The following DEPDC1B variants were observed in gnomAD, a reference collection of about 807,000 sequenced individuals.
The protein encoded by DEPDC1B is DEP domain-containing protein 1B.
Under a neutral mutation model 66.5 loss-of-function variants are expected in DEPDC1B, and 51 were observed. That is an observed-to-expected ratio of 0.77 (90% CI 0.61 to 0.97). The LOEUF is 0.97. Ranked by LOEUF, DEPDC1B falls within the 50% of genes least tolerant of loss-of-function variation. The pLI, the probability that DEPDC1B is intolerant of heterozygous loss-of-function variation, is 0.00. For missense variants in DEPDC1B, 552 were observed against 637.1 expected, an observed-to-expected ratio of 0.87 and a Z score of 1.44; for synonymous variants, 226 against 223.6, an observed-to-expected ratio of 1.01 and a Z score of -0.10.
intron 7 of DEPDC1B, among the ~76,000 whole-genome samples, chr5:60,626,739 G>T (rs1455498161): frequency 6.6e-6 from 1 of 151,980 alleles, no homozygotes; most frequent in Non-Finnish European, 1.5e-5. Flanking sequence ...CTACAATACA[G>T]ATTTCACATC....
At chr5:60,663,255 C>T (rs1292789211) in intron 2 of DEPDC1B, among the ~76,000 whole-genome samples, 2 of 152,168 alleles carry the variant, frequency 1.3e-5, no homozygotes, top group African/African-American at 4.8e-5. Flanking sequence ...CCGTTCCCTA[C>T]CAAAGGCATT....
At chr5:60,635,530 C>T (rs908433213) in intron 7 of DEPDC1B, among the ~76,000 whole-genome samples, 1 of 152,168 alleles carries the variant, frequency 6.6e-6, no homozygotes, top group African/African-American at 2.4e-5. Context: ...ATTCCAGCCT[C>T]CTAACAAATA....
Position 60,598,784 on chromosome 5 carries a change from G to A in DEPDC1B, c.1428+291C>T, listed in dbSNP as rs763977380. Among the ~76,000 whole-genome samples the A allele has an allele frequency of 1.9e-4, 29 of 152,110 alleles. 1 individual carries two copies. The highest frequency in any genetic ancestry group is 7.4e-5 in the Non-Finnish European group (5 of 68,018). ...TAGCTTCTCTGAGATTAAAGCAGATGCTCTGCTAATTCACATCATGCCACA... is the reference window on the plus strand; with the variant it reads ...TAGCTTCTCTGAGATTAAAGCAGATACTCTGCTAATTCACATCATGCCACA... On this transcript the variant is annotated intron_variant, in intron 10 of 10. Coordinates refer to ENST00000265036, the MANE Select transcript of DEPDC1B (RefSeq NM_018369.3).
intron 1 of DEPDC1B, among the ~76,000 whole-genome samples, chr5:60,697,969 A>G (rs1754693574): frequency 6.6e-6 from 1 of 152,200 alleles, no homozygotes; most frequent in African/African-American, 2.4e-5. Flanking sequence ...ATCCATGAAA[A>G]GAAGTACCTC....
At chr5:60,614,593 T>C (rs1752498638) in intron 7 of DEPDC1B, among the ~76,000 whole-genome samples, 1 of 152,252 alleles carries the variant, frequency 6.6e-6, no homozygotes, top group Non-Finnish European at 1.5e-5. Flanking sequence ...AATTTTTTAA[T>C]ATTTAGATGT....
intron 7 of DEPDC1B, among the ~76,000 whole-genome samples, chr5:60,615,533 G>A (rs141690688): frequency 2.2e-4 from 33 of 152,314 alleles, no homozygotes; most frequent in South Asian, 6.2e-4. Flanking sequence ...CTACGCCCAC[G>A]GAGCCTTGCT....
intron 2 of DEPDC1B, among the ~76,000 whole-genome samples, chr5:60,662,515 A>C (rs1753743222): frequency 6.6e-6 from 1 of 152,214 alleles, no homozygotes. Flanking sequence ...AAATAGGATA[A>C]AAAGAAGGCC....
intron 2 of DEPDC1B, among the ~76,000 whole-genome samples, chr5:60,669,459 C>G (rs1753979229): frequency 6.6e-6 from 1 of 152,146 alleles, no homozygotes; most frequent in Non-Finnish European, 1.5e-5. Context: ...ATTATATGGG[C>G]TGATCCTTCT....
intron 1 of DEPDC1B, chr5:60,688,928 GT>G: frequency 2.4e-6 from 1 of 422,882 alleles, no homozygotes; most frequent in East Asian, 7.4e-5. Context: ...TAGGAACCTC[GT>G]TTTGTCAAAT....
chr5:60,604,907 G>A (rs532287878), intron 8 of DEPDC1B, among the ~76,000 whole-genome samples: 1 of 152,216 alleles, frequency 6.6e-6, no homozygotes, highest in South Asian at 2.1e-4. Flanking sequence ...ATCCTACTGG[G>A]CACTAAGTGC....
chr5:60,666,327 G>T (rs886117652), intron 2 of DEPDC1B, among the ~76,000 whole-genome samples: 3 of 152,108 alleles, frequency 2.0e-5, no homozygotes, highest in African/African-American at 2.4e-5. Flanking sequence ...AACACTCACC[G>T]CATGGCCCAA....
chr5:60,647,872 T>G (rs1025651319), intron 2 of DEPDC1B: 1 of 158,066 alleles, frequency 6.3e-6, no homozygotes, highest in Non-Finnish European at 1.4e-5. Context: ...TTTTGACTTT[T>G]TATTTACTTA....
At chr5:60,674,626 C>T (rs1261641582) in intron 2 of DEPDC1B, among the ~76,000 whole-genome samples, 3 of 152,168 alleles carry the variant, frequency 2.0e-5, no homozygotes, top group Non-Finnish European at 4.4e-5. Flanking sequence ...TTCACATACA[C>T]CTAATAATCT....
rs886130672 is a variant in DEPDC1B, at chr5:60,647,384, G to A, written c.450+14C>T. The A allele has an allele frequency of 1.3e-6, 2 of 1,589,468 alleles. No individual in the cohort carries two copies. Among genetic ancestry groups the A allele is most frequent in the East Asian group, 2.3e-5 (1 of 43,234 alleles). On this transcript the variant is annotated intron_variant, in intron 3 of 10. Coordinates refer to ENST00000265036, the MANE Select transcript of DEPDC1B (RefSeq NM_018369.3). ...CTGCTGCCAGCCCTTCCATCTTTCA[G>A]TCATGGCACTTACCATCACAACTGG...
chr5:60,681,348 C>A (rs1346659227), intron 2 of DEPDC1B, among the ~76,000 whole-genome samples: 1 of 152,196 alleles, frequency 6.6e-6, no homozygotes, highest in Non-Finnish European at 1.5e-5. Flanking sequence ...CTTGCCACAG[C>A]CTCTGCCAAC....
intron 7 of DEPDC1B, among the ~76,000 whole-genome samples, chr5:60,622,568 T>C (rs1752728183): frequency 6.6e-6 from 1 of 152,220 alleles, no homozygotes; most frequent in South Asian, 2.1e-4. Context: ...TACCTAGGAA[T>C]GAAATTAAGG....
chr5:60,691,412 C>T (rs1329130300), intron 1 of DEPDC1B, among the ~76,000 whole-genome samples: 6 of 152,138 alleles, frequency 3.9e-5, no homozygotes, highest in Non-Finnish European at 1.5e-5. Context: ...CCACTAATTG[C>T]TAGTCATGTC....
chr5:60,677,895 CA>C (rs1476754902), intron 2 of DEPDC1B, among the ~76,000 whole-genome samples: 3 of 151,956 alleles, frequency 2.0e-5, no homozygotes, highest in African/African-American at 7.3e-5. Flanking sequence ...CCTAGAAAAA[CA>C]AAAGATGTCC....
chr5:60,605,948 A>G, intron 7 of DEPDC1B, 92 bp from the exon 8 acceptor site: 1 of 1,072,422 alleles, frequency 9.3e-7, no homozygotes, highest in Non-Finnish European at 1.3e-6. Context: ...TATTAGTAAA[A>G]TTACATAAAA....
Sources: allele counts gnomAD v4.1 joint callset (sites outside exome capture counted in the v4.1 genomes callset), GRCh38; gene constraint gnomAD v4.1.1; transcripts MANE v1.5; gene names NCBI Gene and HGNC (gene_info 2026-07-23, HGNC 2026-07-21).